Variants in PARD3B observed in about 807,000 individuals in gnomAD.
PARD3B encodes the protein partitioning defective 3 homolog B.
A neutral mutation model predicts 130.2 loss-of-function variants in PARD3B; 103 were observed. The observed-to-expected ratio is 0.79, with a 90% CI of 0.67 to 0.93. The LOEUF (loss-of-function observed/expected upper bound fraction) is 0.93, where lower values mean the gene tolerates loss of function less well. Ranked by LOEUF, PARD3B falls within the 40% of genes least tolerant of loss-of-function variation. PARD3B has a pLI of 0.00. For synonymous variants in PARD3B, 583 were observed against 553.2 expected (o/e 1.05, Z -0.76); for missense variants, 1,609 against 1,499.2 (o/e 1.07, Z -1.21).
intron 2 of PARD3B, among the ~76,000 whole-genome samples, chr2:204,730,490 A>C (rs574232237): frequency 6.6e-6 from 1 of 151,664 alleles, no homozygotes; most frequent in African/African-American, 2.4e-5. Context: ...TTGATGTTAG[A>C]ACTAAAGGTG....
intron 4 of PARD3B, among the ~76,000 whole-genome samples, chr2:205,071,676 TAA>T (rs982492237): frequency 1.3e-5 from 2 of 152,240 alleles, no homozygotes; most frequent in Non-Finnish European, 2.9e-5. Flanking sequence ...CATTAACATG[TAA>T]AGTCATTTGA....
At chr2:204,921,612 C>G (rs751115897) in intron 2 of PARD3B, among the ~76,000 whole-genome samples, 1 of 152,026 alleles carries the variant, frequency 6.6e-6, no homozygotes, top group Non-Finnish European at 1.5e-5. Context: ...TAGCAGTTAT[C>G]CATTTTGGTG....
At chr2:205,254,838 GTAT>G (rs2040007456) in intron 16 of PARD3B, among the ~76,000 whole-genome samples, 1 of 151,168 alleles carries the variant, frequency 6.6e-6, no homozygotes, top group Non-Finnish European at 1.5e-5. Flanking sequence ...CTAATTTTTT[GTAT>G]TTTTAGTAGA....
chr2:205,467,539 A>C (rs1020004325), intron 20 of PARD3B, among the ~76,000 whole-genome samples: 2 of 152,222 alleles, frequency 1.3e-5, no homozygotes, highest in African/African-American at 2.4e-5. Flanking sequence ...AACTCAATAT[A>C]TGCAAAATAT....
At chr2:205,535,461 G>A (rs1211248893) in intron 21 of PARD3B, among the ~76,000 whole-genome samples, 1 of 152,152 alleles carries the variant, frequency 6.6e-6, no homozygotes, top group Non-Finnish European at 1.5e-5. Flanking sequence ...CAAAACAGCA[G>A]GGCCACTGTT....
At chr2:204,725,390 T>C (rs1185372427) in intron 2 of PARD3B, among the ~76,000 whole-genome samples, 1 of 152,216 alleles carries the variant, frequency 6.6e-6, no homozygotes, top group East Asian at 1.9e-4. Context: ...AAAATATGAT[T>C]AATGTAAAAA....
intron 3 of PARD3B, among the ~76,000 whole-genome samples, chr2:205,045,269 G>C (rs1339153000): frequency 6.6e-6 from 1 of 150,536 alleles, no homozygotes; most frequent in Non-Finnish European, 1.5e-5. Context: ...ATTATTTTGA[G>C]ACAGAGTCTC....
chr2:205,238,123 T>G (rs1251052659), intron 15 of PARD3B, among the ~76,000 whole-genome samples: 1 of 152,172 alleles, frequency 6.6e-6, no homozygotes. Context: ...CAGCAGACAT[T>G]AATGAGTACC....
chr2:205,411,232 T>G lies in PARD3B; in HGVS notation c.2741+10109T>G, dbSNP rs112206520. Among the ~76,000 whole-genome samples the G allele has an allele frequency of 9.2e-3, 1,403 of 152,252 alleles. 12 individuals are homozygous for G. The highest frequency in any genetic ancestry group is 0.014 in the Non-Finnish European group (970 of 68,026). ...TGTGCCAAGGTTGAGAAACCATATT[T>G]TAGATAGATAGATAGATATAATAGA... is the stretch of plus-strand genomic sequence containing the variant. On this transcript the variant is annotated intron_variant, in intron 19 of 22. Transcript: ENST00000406610.
intron 1 of PARD3B, among the ~76,000 whole-genome samples, chr2:204,635,367 T>C (rs969431292): frequency 1.3e-5 from 2 of 152,180 alleles, no homozygotes; most frequent in Non-Finnish European, 2.9e-5. Context: ...GTCTAGGTCT[T>C]TTCAATGAAA....
At chr2:205,598,550 G>T (rs2054658411) in intron 22 of PARD3B, among the ~76,000 whole-genome samples, 1 of 152,100 alleles carries the variant, frequency 6.6e-6, no homozygotes, top group Non-Finnish European at 1.5e-5. Context: ...AGCATTAGTT[G>T]TTTGCTATTG....
Position 205,265,207 on chromosome 2 carries a change from A to G in PARD3B, c.2185+19385A>G, listed in dbSNP as rs1313135701. Among the ~76,000 whole-genome samples, 2 of 152,048 alleles carry G rather than the reference A, an allele frequency of 1.3e-5. No homozygotes were observed. Among genetic ancestry groups the G allele is most frequent in the African/African-American group, 2.4e-5 (1 of 41,426 alleles). ...GTTTCATCACATTATTGTGTGTAAG[A>G]TATATTTACAAGAGACTTAGACAAA... On this transcript the variant is annotated intron_variant, in intron 16 of 22. Transcript: ENST00000406610. The surrounding 1 kb of genome is among the most constrained non-coding windows in gnomAD (Gnocchi z 4.3).
chr2:204,793,016 C>T (rs554976585), intron 2 of PARD3B, among the ~76,000 whole-genome samples: 1 of 152,050 alleles, frequency 6.6e-6, no homozygotes, highest in South Asian at 2.1e-4. Context: ...GCTTTTTAAT[C>T]CTCCCTGATT....
At chr2:204,973,387 T>C (rs1691870885) in intron 3 of PARD3B, among the ~76,000 whole-genome samples, 1 of 152,214 alleles carries the variant, frequency 6.6e-6, no homozygotes, top group South Asian at 2.1e-4. Context: ...ATAAATTATT[T>C]ATAGTAACCA....
chr2:204,655,077 TAGA>T (rs1239527992), intron 1 of PARD3B, among the ~76,000 whole-genome samples: 1 of 152,156 alleles, frequency 6.6e-6, no homozygotes, highest in African/African-American at 2.4e-5. Flanking sequence ...TATCTGAGAG[TAGA>T]AGAGAAAGCT....
At chr2:204,845,983 C>A (rs1181085219) in intron 2 of PARD3B, among the ~76,000 whole-genome samples, 1 of 151,928 alleles carries the variant, frequency 6.6e-6, no homozygotes, top group African/African-American at 2.4e-5. Context: ...GAAAGAATAT[C>A]TGCAGATTGG....
intron 10 of PARD3B, among the ~76,000 whole-genome samples, chr2:205,141,744 G>A (rs972902356): frequency 2.5e-4 from 38 of 152,190 alleles, no homozygotes; most frequent in African/African-American, 8.9e-4. Context: ...ATTATCTAAT[G>A]TTCCAAAATA....
At chr2:205,614,665 C>A (rs1464496854) in intron 22 of PARD3B, among the ~76,000 whole-genome samples, 1 of 151,246 alleles carries the variant, frequency 6.6e-6, no homozygotes, top group Non-Finnish European at 1.5e-5. Flanking sequence ...GAGATCGCAC[C>A]ATTGCACTCC....
intron 18 of PARD3B, among the ~76,000 whole-genome samples, chr2:205,396,098 G>A (rs1488208611): frequency 1.3e-5 from 2 of 152,128 alleles, no homozygotes; most frequent in African/African-American, 4.8e-5. Context: ...TGCATGTGCT[G>A]TTTCCTTCAC....
Sources: gnomAD v4.1 joint callset for allele counts (sites outside exome capture counted in the v4.1 genomes callset) on GRCh38, gnomAD v4.1.1 for gene constraint, Gnocchi (gnomAD v3.1) non-coding constraint, MANE v1.5 for transcripts, NCBI Gene and HGNC (gene_info 2026-07-23, HGNC 2026-07-21) for gene names.